The following HORMAD2 variants were observed in gnomAD, a reference collection of about 807,000 sequenced individuals.
The protein encoded by HORMAD2 is HORMA domain-containing protein 2.
A neutral mutation model predicts 38.8 loss-of-function variants in HORMAD2; 45 were observed. The ratio of observed to expected loss-of-function variants is 1.16; its 90% confidence interval spans 0.91 to 1.49. The LOEUF is 1.49. HORMAD2 is among the 40% of genes most tolerant of loss of function. HORMAD2 has a pLI of 0.00. For synonymous variants in HORMAD2, 126 were observed against 122.8 expected (o/e 1.03, Z -0.17); for missense variants, 338 against 367.0 (o/e 0.92, Z 0.65).
chr22:30,207,030 C>T, the HORMAD2 span: 1 of 469,538 alleles, frequency 2.1e-6, no homozygotes, highest in African/African-American at 2.0e-5. Context: ...CCCGTCCCCT[C>T]GTGTCGGCCT....
intron 1 of HORMAD2, among the ~76,000 whole-genome samples, chr22:30,087,706 GGAGA>G (rs142780838): frequency 0.022 from 3,367 of 150,278 alleles, 64 homozygotes; most frequent in East Asian, 0.062. Context: ...GGCCAAAGCA[GGAGA>G]GAGAGAGAGA....
At chr22:30,082,287 T>C (rs972978676) in intron 1 of HORMAD2, among the ~76,000 whole-genome samples, 1 of 152,174 alleles carries the variant, frequency 6.6e-6, no homozygotes, top group East Asian at 1.9e-4. Flanking sequence ...TTTTTGAAGA[T>C]TGAGAAAGAT....
At chr22:30,101,540 A>G (rs926630669) in intron 3 of HORMAD2, among the ~76,000 whole-genome samples, 4 of 152,006 alleles carry the variant, frequency 2.6e-5, no homozygotes, top group Non-Finnish European at 5.9e-5. Flanking sequence ...ACCATGGCAC[A>G]TGAACAAACC....
chr22:30,088,663 T>C (rs1177828043), intron 1 of HORMAD2, among the ~76,000 whole-genome samples: 1 of 151,360 alleles, frequency 6.6e-6, no homozygotes, highest in Non-Finnish European at 1.5e-5. Flanking sequence ...TTAATTTTAT[T>C]AATTAAAAAA....
intron 7 of HORMAD2, 148 bp from the exon 8 acceptor site, chr22:30,118,832 C>T: frequency 1.8e-6 from 1 of 563,876 alleles, no homozygotes; most frequent in Non-Finnish European, 3.1e-6. Context: ...GGAAATATTA[C>T]TCTTGAATAA....
At chr22:30,172,111 C>T (rs1926146032) in intron 10 of HORMAD2, among the ~76,000 whole-genome samples, 1 of 152,110 alleles carries the variant, frequency 6.6e-6, no homozygotes. Context: ...GTCTGTGACA[C>T]TTTCCCTCCC....
the HORMAD2 span, among the ~76,000 whole-genome samples, chr22:30,199,422 AT>A: frequency 4.6e-5 from 7 of 152,334 alleles, no homozygotes; most frequent in African/African-American, 1.7e-4. Context: ...GCTGCTAATG[AT>A]AAATGGTGAA....
chr22:30,171,453 G>T (rs970618185), intron 10 of HORMAD2, among the ~76,000 whole-genome samples: 1 of 151,924 alleles, frequency 6.6e-6, no homozygotes, highest in African/African-American at 2.4e-5. Flanking sequence ...TCTTACCATG[G>T]TATCCAATTG....
rs754249389 is a variant in HORMAD2 at position 30,098,881 on chromosome 22, T to A, written c.81T>A (p.Asn27Lys). 7.4e-6 allele frequency: 12 copies of A among 1,612,094 alleles called. No homozygotes were observed. Among genetic ancestry groups the A allele is most frequent in the African/African-American group, 1.3e-5 (1 of 74,864 alleles). The change falls in exon 3 of 11, where the codon AAT becomes AAA. Residue 27 changes from asparagine (N) to lysine (K), a missense_variant. Physicochemically the swap from Asn to Lys is moderately conservative, Grantham distance 94. Transcript: ENST00000336726. ...CAGTTTTCCCATCCCAAATCACTAA[T>A]GAGCATGAGTCATTGAAAATGGTGA... Reference protein sequence around the residue: ...KETVFPSQITNEHESLKMVKK... With the variant: ...KETVFPSQITKEHESLKMVKK...
At chr22:30,078,607 CAAAAAAAAAAAAAAA>C (rs55966787), upstream of HORMAD2, among the ~76,000 whole-genome samples, 12 of 28,104 alleles carry the variant, frequency 4.3e-4, no homozygotes, top group Non-Finnish European at 6.0e-4. Flanking sequence ...CTCTGTCTCA[CAAAAAAAAAAAAAAA>C]AAAAAAAAAA....
At chr22:30,090,146 T>C (rs981218777) in intron 1 of HORMAD2, among the ~76,000 whole-genome samples, 1 of 152,110 alleles carries the variant, frequency 6.6e-6, no homozygotes, top group Admixed American at 6.5e-5. Flanking sequence ...GTGGATTGCC[T>C]GAACCTAGGA....
chr22:30,143,114 C>T (rs1924188358), intron 10 of HORMAD2, among the ~76,000 whole-genome samples: 1 of 152,110 alleles, frequency 6.6e-6, no homozygotes, highest in Non-Finnish European at 1.5e-5. Flanking sequence ...AAATATACTA[C>T]ATTTGTTGAA....
At chr22:30,112,553 AGTATAT>A (rs1377238411) in intron 7 of HORMAD2, 31 bp downstream of exon 7, 6 of 1,057,982 alleles carry the variant, frequency 5.7e-6, no homozygotes, top group East Asian at 3.1e-5. Flanking sequence ...ATAGGTGGGT[AGTATAT>A]GTATATTATA....
At chr22:30,171,354 A>C (rs1014435370) in intron 10 of HORMAD2, among the ~76,000 whole-genome samples, 5 of 152,126 alleles carry the variant, frequency 3.3e-5, no homozygotes, top group African/African-American at 1.2e-4. Flanking sequence ...CAAAACTCCC[A>C]TTGTTCTCGA....
chr22:30,148,873 C>T (rs1027406099), intron 10 of HORMAD2, among the ~76,000 whole-genome samples: 9 of 152,156 alleles, frequency 5.9e-5, no homozygotes, highest in South Asian at 2.1e-4. Context: ...GGCGTGGTGA[C>T]GGGTGCCTGT....
chr22:30,088,258 T>C (rs1286183718), intron 1 of HORMAD2, among the ~76,000 whole-genome samples: 3 of 150,348 alleles, frequency 2.0e-5, no homozygotes, highest in Admixed American at 6.7e-5. Flanking sequence ...TATACACACA[T>C]ATATACATAT....
intron 1 of HORMAD2, among the ~76,000 whole-genome samples, chr22:30,092,708 A>C (rs1306740640): frequency 6.6e-6 from 1 of 151,952 alleles, no homozygotes; most frequent in Non-Finnish European, 1.5e-5. Context: ...TCTGCTGTGG[A>C]TATGCAGTTT....
intron 10 of HORMAD2, among the ~76,000 whole-genome samples, chr22:30,134,265 G>T (rs1162980473): frequency 3.3e-5 from 5 of 151,572 alleles, no homozygotes; most frequent in African/African-American, 1.2e-4. Flanking sequence ...CAGGCATTGT[G>T]GCGGATGCTT....
intron 7 of HORMAD2, among the ~76,000 whole-genome samples, chr22:30,117,914 T>C (rs1039467941): frequency 1.3e-5 from 2 of 152,218 alleles, no homozygotes; most frequent in Admixed American, 6.5e-5. Context: ...ATAGCAGTAG[T>C]AGCATCTAGT....
Sources: gnomAD v4.1 joint callset for allele counts (sites outside exome capture counted in the v4.1 genomes callset) on GRCh38, gnomAD v4.1.1 for gene constraint, MANE v1.5 for transcripts, NCBI Gene and HGNC (gene_info 2026-07-23, HGNC 2026-07-21) for gene names.